VTI1A: variants seen among roughly 807,000 people sequenced by gnomAD.
VTI1A encodes the protein vesicle transport through interaction with t-SNAREs 1A.
VTI1A carries 22 observed loss-of-function variants against 34.9 expected under a neutral mutation model. The observed-to-expected ratio is 0.63, with a 90% confidence interval of 0.45 to 0.90. The LOEUF (loss-of-function observed/expected upper bound fraction) is 0.90, where lower values mean the gene tolerates loss of function less well. Ranked by LOEUF, VTI1A falls within the 40% of genes least tolerant of loss-of-function variation. The pLI, the probability that VTI1A is intolerant of heterozygous loss-of-function variation, is 0.00. For synonymous variants in VTI1A, 87 were observed against 97.3 expected, an observed-to-expected ratio of 0.89 and a Z score of 0.62; for missense variants, 268 against 275.6, an observed-to-expected ratio of 0.97 and a Z score of 0.20.
chr10:112,700,248 G>A (rs1848963533), intron 7 of VTI1A, among the ~76,000 whole-genome samples: 2 of 152,028 alleles, frequency 1.3e-5, no homozygotes, highest in African/African-American at 4.8e-5. Flanking sequence ...TAGCTAGTAG[G>A]TAGTGAGATT....
intron 5 of VTI1A, among the ~76,000 whole-genome samples, chr10:112,619,742 G>A (rs76539074): frequency 1.3e-5 from 2 of 152,210 alleles, no homozygotes; most frequent in East Asian, 3.9e-4. Context: ...TCCTTGGAGT[G>A]AGGCTTGGGA....
chr10:112,566,295 A>G (rs1055321551), intron 5 of VTI1A, among the ~76,000 whole-genome samples: 1 of 152,172 alleles, frequency 6.6e-6, no homozygotes, highest in African/African-American at 2.4e-5. Context: ...TGATATTTCT[A>G]TTGCATTTTT....
intron 7 of VTI1A, among the ~76,000 whole-genome samples, chr10:112,733,380 G>A (rs930447287): frequency 6.6e-6 from 1 of 152,026 alleles, no homozygotes; most frequent in Non-Finnish European, 1.5e-5. Flanking sequence ...CCATTAAACA[G>A]TTGCTTCCCA....
intron 4 of VTI1A, chr10:112,533,496 C>CT: frequency 9.9e-7 from 1 of 1,008,678 alleles, no homozygotes; most frequent in Non-Finnish European, 1.2e-6. Context: ...CATTTCTTTC[C>CT]TTTTTATCTT....
chr10:112,687,251 T>TTG (rs1848447346), intron 7 of VTI1A, among the ~76,000 whole-genome samples: 1 of 129,154 alleles, frequency 7.7e-6, no homozygotes, highest in East Asian at 2.2e-4. Context: ...TTTTTTTTTT[T>TTG]GAGACGGAGT....
intron 5 of VTI1A, among the ~76,000 whole-genome samples, chr10:112,546,650 T>TCAA (rs1851141346): frequency 2.0e-5 from 3 of 151,900 alleles, no homozygotes; most frequent in Non-Finnish European, 4.4e-5. Flanking sequence ...ATTTTATCTC[T>TCAA]ATATTTAACA....
chr10:112,564,933 A>G (rs1464757178), intron 5 of VTI1A, among the ~76,000 whole-genome samples: 2 of 152,150 alleles, frequency 1.3e-5, no homozygotes, highest in East Asian at 3.8e-4. Flanking sequence ...AATTTCAAAT[A>G]TACATATACT....
chr10:112,830,849 A>ATATATATATTTTT, the VTI1A span, among the ~76,000 whole-genome samples: 4 of 33,494 alleles, frequency 1.2e-4, no homozygotes, highest in East Asian at 1.5e-3. Context: ...ATATATATAT[A>ATATATATATTTTT]TTTTTTTTTT....
chr10:112,511,440 C>T (rs1332925390), intron 3 of VTI1A, among the ~76,000 whole-genome samples: 5 of 152,018 alleles, frequency 3.3e-5, no homozygotes, highest in Non-Finnish European at 7.4e-5. Context: ...AACAGGGTTT[C>T]ACCATGTTGG....
At chr10:112,464,524 A>T (rs1396054007) in intron 2 of VTI1A, 23 bp from the exon 3 acceptor site, 1 of 1,585,210 alleles carries the variant, frequency 6.3e-7, no homozygotes, top group African/African-American at 1.4e-5. Context: ...GTTTTAAATC[A>T]CATTTTTCTT....
At chr10:112,580,463 C>T (rs1017518749) in intron 5 of VTI1A, among the ~76,000 whole-genome samples, 7 of 152,068 alleles carry the variant, frequency 4.6e-5, no homozygotes, top group African/African-American at 1.4e-4. Context: ...GCTGAACCAT[C>T]GCAAAGGCCC....
chr10:112,814,625 G>T (rs907530010), intron 7 of VTI1A, among the ~76,000 whole-genome samples: 15 of 152,072 alleles, frequency 9.9e-5, no homozygotes, highest in African/African-American at 3.4e-4. Flanking sequence ...GGAGGTAAAG[G>T]CCCAGCAACA....
At chr10:112,785,211 A>G (rs979429429) in intron 7 of VTI1A, among the ~76,000 whole-genome samples, 7 of 152,216 alleles carry the variant, frequency 4.6e-5, no homozygotes, top group African/African-American at 1.4e-4. Flanking sequence ...GAGGTCCATG[A>G]AGCCTGTAGA....
At chr10:112,830,849 A>ATATATATATATATATATATATATTTT in the VTI1A span, among the ~76,000 whole-genome samples, 7 of 33,486 alleles carry the variant, frequency 2.1e-4, no homozygotes, top group Non-Finnish European at 2.9e-4. Flanking sequence ...ATATATATAT[A>ATATATATATATATATATATATATTTT]TTTTTTTTTT....
chr10:112,457,376 A>T (rs1409907166), intron 1 of VTI1A, among the ~76,000 whole-genome samples: 1 of 152,200 alleles, frequency 6.6e-6, no homozygotes, highest in East Asian at 1.9e-4. Flanking sequence ...ATAGTGTAGG[A>T]CTATAAAGAT....
chr10:112,630,120 C>G (rs763895626), intron 5 of VTI1A, among the ~76,000 whole-genome samples: 24 of 152,200 alleles, frequency 1.6e-4, no homozygotes, highest in Non-Finnish European at 3.1e-4. Flanking sequence ...GAGACTCTTT[C>G]TTCTGACAGA....
At chr10:112,674,314 A>T (rs1847957792) in intron 7 of VTI1A, among the ~76,000 whole-genome samples, 1 of 152,186 alleles carries the variant, frequency 6.6e-6, no homozygotes, top group Non-Finnish European at 1.5e-5. Flanking sequence ...TTTCCTATAG[A>T]TTCTTTGGAC....
At chr10:112,629,185 C>G (rs573300137) in intron 5 of VTI1A, among the ~76,000 whole-genome samples, 7 of 152,388 alleles carry the variant, frequency 4.6e-5, no homozygotes, top group African/African-American at 1.7e-4. Context: ...GCGCTGTCAT[C>G]ATGGCTGCAG....
intron 3 of VTI1A, among the ~76,000 whole-genome samples, chr10:112,496,315 A>G (rs1430656375): frequency 6.6e-6 from 1 of 151,998 alleles, no homozygotes; most frequent in Non-Finnish European, 1.5e-5. Context: ...CATGCCTGTA[A>G]TCCCAGCACT....
Sources: gnomAD v4.1 joint callset for allele counts (sites outside exome capture counted in the v4.1 genomes callset) on GRCh38, gnomAD v4.1.1 for gene constraint, MANE v1.5 for transcripts, NCBI Gene and HGNC (gene_info 2026-07-23, HGNC 2026-07-21) for gene names.